The following DLEC1 variants were observed in gnomAD, a reference collection of about 807,000 sequenced individuals.
DLEC1 encodes deleted in lung and esophageal cancer protein 1.
A neutral mutation model predicts 198.1 loss-of-function variants in DLEC1; 146 were observed. The ratio of observed to expected loss-of-function variants is 0.74; its 90% CI spans 0.64 to 0.85. The LOEUF (loss-of-function observed/expected upper bound fraction) is 0.85. Ranked by LOEUF, DLEC1 falls within the 40% of genes least tolerant of loss-of-function variation. The probability of loss-of-function intolerance (pLI) is 0.00; values close to 1 mark genes in which losing one functional copy is unlikely to be tolerated. For missense variants in DLEC1, 2,233 were observed against 2,220.0 expected (o/e 1.01, Z -0.12); for synonymous variants, 897 against 866.8 (o/e 1.03, Z -0.61).
In DLEC1 at chr3:38,112,197, G is replaced by T. The variant is rs373960006; in HGVS notation, c.3515-13G>T. ...AGGCCCGTGAATCCCCCACAGTCGC[G>T]GTTCTTTCCCAGATTTTATGGAGAG... On this transcript the variant is annotated splice_polypyrimidine_tract_variant and intron_variant, in intron 24 of 36. Coordinates refer to ENST00000308059, the MANE Select transcript of DLEC1 (RefSeq NM_007335.4). This position sits in a 1 kb window ranked among gnomAD's most constrained non-coding sequence, Gnocchi z 4.8. 2 of 1,614,026 alleles carry T rather than the reference G, an allele frequency of 1.2e-6. No individual in the cohort carries two copies. The highest frequency in any genetic ancestry group is 1.7e-6 in the Non-Finnish European group (2 of 1,179,948).
In DLEC1 at chr3:38,122,453, A is replaced by T; in HGVS notation, c.*41A>T. On this transcript the variant is annotated 3_prime_UTR_variant, in exon 37 of 37. Transcript: ENST00000308059. ...CTCAGCCCCAGGCCCCAGCTGGAGA[A>T]AAAACATTGCCCAGGGATTAGGAGC... is the stretch of plus-strand genomic sequence containing the variant. 6.2e-7 allele frequency: 1 copy of T among 1,613,988 alleles called. No homozygotes were observed. The highest frequency in any genetic ancestry group is 8.5e-7 in the Non-Finnish European group (1 of 1,180,010).
chr3:38,118,899 C>A (rs928102094), intron 33 of DLEC1, among the ~76,000 whole-genome samples: 8 of 152,166 alleles, frequency 5.3e-5, no homozygotes, highest in African/African-American at 1.9e-4. Flanking sequence ...CTGCTGTGTA[C>A]TAGATGCTGT....
At chr3:38,063,297 A>T (rs768935732) in intron 5 of DLEC1, among the ~76,000 whole-genome samples, 1 of 152,194 alleles carries the variant, frequency 6.6e-6, no homozygotes, top group Non-Finnish European at 1.5e-5. Flanking sequence ...TTTATTAAGA[A>T]AAATTAGATA....
At position 38,063,900 on chromosome 3, in the gene DLEC1, A is replaced by G. The variant is rs1202717200; in HGVS notation, c.1154A>G (p.Glu385Gly). The change falls in exon 6 of 37, where the codon GAA becomes GGA. Residue 385 changes from glutamate (E) to glycine (G), a missense_variant. Transcript: ENST00000308059. ...KPPIGFFTDY[E>G]IGPVYEMVIA... ...CCAATTGGGTTTTTCACAGATTATG[A>G]AATTGGTCCAGTTTATGAGGTAGAC... The G allele has an allele frequency of 1.2e-6, 2 of 1,612,904 alleles. No homozygotes were observed. Among genetic ancestry groups the G allele is most frequent in the Non-Finnish European group, 1.7e-6 (2 of 1,179,288 alleles).
rs770766234 is a variant in DLEC1 at position 38,114,450 on chromosome 3, C to T, written c.3775C>T (p.Pro1259Ser). Residue 1259 changes from proline to serine, a missense_variant, in exon 26 of 37, where the codon CCA (proline) becomes TCA (serine). By Grantham distance (74) the Pro-to-Ser change is moderately conservative (BLOSUM62 -1). Coordinates refer to ENST00000308059, the MANE Select transcript of DLEC1 (RefSeq NM_007335.4). ...SYTIDQAQKE[P>S]AMRFGTQVSG... ...CACTATTGACCAGGCCCAGAAGGAA[C>T]CAGCCATGAGGTGCTCCATGCTCAG... 5 of 1,614,020 alleles carry T rather than the reference C, an allele frequency of 3.1e-6. No individual in the cohort carries two copies. The highest frequency in any genetic ancestry group is 4.2e-6 in the Non-Finnish European group (5 of 1,179,972).
intron 6 of DLEC1, among the ~76,000 whole-genome samples, chr3:38,066,011 G>C (rs1483705224): frequency 6.6e-6 from 1 of 152,190 alleles, no homozygotes; most frequent in Non-Finnish European, 1.5e-5. Flanking sequence ...CTGGTCATTA[G>C]ATATAGAGAT....
intron 2 of DLEC1, among the ~76,000 whole-genome samples, chr3:38,055,215 G>A (rs1472458730): frequency 6.6e-6 from 1 of 152,194 alleles, no homozygotes; most frequent in African/African-American, 2.4e-5. Context: ...AAACAGAGAA[G>A]TGTGGGGACA....
chr3:38,094,656 C>T (rs148906486), intron 12 of DLEC1, among the ~76,000 whole-genome samples: 174 of 152,266 alleles, frequency 1.1e-3, no homozygotes, highest in African/African-American at 4.0e-3. Flanking sequence ...GGCTGGGAAG[C>T]GAGGAGCTCT....
chr3:38,097,535 G>T lies in DLEC1; in HGVS notation c.2463G>T (p.Leu821Phe). The change falls in exon 17 of 37, where the codon TTG becomes TTT. Residue 821 changes from leucine to phenylalanine, a missense_variant. Transcript: ENST00000308059. ...CCAGTGAGGTCGGGGATTTTGAGTT[G>T]AACTTTACTGGGGGTGTCCCTGGCC... ...IEPSEVGDFE[L>F]NFTGGVPGPT... is the part of the protein sequence containing the mutation. 1.2e-6 allele frequency: 2 copies of T among 1,614,160 alleles called. No individual in the cohort carries two copies. Among genetic ancestry groups the T allele is most frequent in the South Asian group, 2.2e-5 (2 of 91,052 alleles).
At chr3:38,059,984 G>A in intron 3 of DLEC1, 132 bp downstream of exon 3, 1 of 749,108 alleles carries the variant, frequency 1.3e-6, no homozygotes. Context: ...GATGGTGACT[G>A]TTGGGAAAGT....
chr3:38,041,003 CTTATTTAT>C (rs112358223), intron 1 of DLEC1, among the ~76,000 whole-genome samples: 12 of 150,962 alleles, frequency 7.9e-5, no homozygotes, highest in South Asian at 4.2e-4. Context: ...GTATGCCCAG[CTTATTTAT>C]TTATTTATTT....
chr3:38,093,778 C>G lies in DLEC1; in HGVS notation c.1919+11C>G, dbSNP rs200365113. 3.1e-5 allele frequency: 50 copies of G among 1,613,260 alleles called. No homozygotes were observed. The African/African-American group carries it at 5.3e-4, about 17-fold the overall frequency. ...TATTAGAAATGCTACGTGGGTAACC[C>G]CTGTGTGTGCCCCAATACCCAACCC... On this transcript the variant is annotated intron_variant, in intron 12 of 36. Transcript: ENST00000308059.
Position 38,062,273 on chromosome 3 carries a change from C to T in DLEC1, c.778C>T (p.Leu260Phe). 4.3e-6 allele frequency: 7 copies of T among 1,614,178 alleles called. No homozygotes were observed. The highest frequency in any genetic ancestry group is 5.1e-6 in the Non-Finnish European group (6 of 1,180,024). The change falls in exon 4 of 37, where the codon CTT (leucine) becomes TTT (phenylalanine). Residue 260 changes from leucine to phenylalanine, a missense_variant. Transcript: ENST00000308059. ...GCTTGAAGATTCATGCAGGAAGAAG[C>T]TTGCTGAGTTCGAAGATGAGTTAGA... ...KKLEDSCRKK[L>F]AEFEDELDHT...
intron 6 of DLEC1, among the ~76,000 whole-genome samples, chr3:38,067,076 G>A (rs1172122110): frequency 1.3e-5 from 2 of 152,212 alleles, no homozygotes; most frequent in African/African-American, 2.4e-5. Flanking sequence ...TGTGCTCAGA[G>A]CCTGGAGATC....
In DLEC1 at chr3:38,093,649, G is replaced by A. The variant is rs767174387; in HGVS notation, c.1801G>A (p.Glu601Lys). The change falls in exon 12 of 37, where the codon GAA becomes AAA. Residue 601 changes from glutamate to lysine, a missense_variant. Coordinates refer to ENST00000308059, the MANE Select transcript of DLEC1 (RefSeq NM_007335.4). ...IALDLIYISG[E>K]KSQPDPGELT... Reference sequence around the variant, plus strand: ...TTTGGATCTGATCTATATTTCTGGTGAAAAAAGCCAGCCAGACCCTGGAGA... The same window carrying A: ...TTTGGATCTGATCTATATTTCTGGTAAAAAAAGCCAGCCAGACCCTGGAGA... The A allele has an allele frequency of 5.6e-6, 9 of 1,614,064 alleles. No homozygotes were observed. The highest frequency in any genetic ancestry group is 5.1e-6 in the Non-Finnish European group (6 of 1,180,042).
At chr3:38,118,462 TC>T (rs1357253278) in intron 33 of DLEC1, among the ~76,000 whole-genome samples, 2 of 152,190 alleles carry the variant, frequency 1.3e-5, no homozygotes, top group African/African-American at 4.8e-5. Context: ...CACTCCAGGT[TC>T]TAACGTAAAA....
rs1258550408 is a variant in DLEC1 at position 38,096,672 on chromosome 3, G to A, written c.2275G>A (p.Glu759Lys). 36 of 1,613,436 alleles carry A rather than the reference G, an allele frequency of 2.2e-5. No homozygotes were observed. The highest frequency in any genetic ancestry group is 2.8e-5 in the Non-Finnish European group (33 of 1,179,988). The part of the protein sequence containing the change: ...GSVEPFQVLL[E>K]PYALIIPGEN... ...AGTAGAACCTTTCCAGGTTCTCTTA[G>A]AGCCATATGCCCTCATCATCCCAGG... Residue 759 changes from glutamate to lysine, a missense_variant, in exon 15 of 37, where the codon GAG becomes AAG. Coordinates refer to ENST00000308059, the MANE Select transcript of DLEC1 (RefSeq NM_007335.4).
At chr3:38,117,397 G>A in intron 31 of DLEC1, 95 bp downstream of exon 31, 2 of 1,598,836 alleles carry the variant, frequency 1.3e-6, no homozygotes, top group Non-Finnish European at 1.7e-6. Context: ...AGAGCAAAAG[G>A]ACGGGCATGG....
intron 2 of DLEC1, among the ~76,000 whole-genome samples, chr3:38,047,306 G>A (rs958001414): frequency 6.6e-6 from 1 of 152,020 alleles, no homozygotes; most frequent in African/African-American, 2.4e-5. Flanking sequence ...ATTAATTATG[G>A]TATATCCACA....
Sources: allele counts gnomAD v4.1 joint callset (sites outside exome capture counted in the v4.1 genomes callset), GRCh38; gene constraint gnomAD v4.1.1; non-coding constraint Gnocchi (gnomAD v3.1); transcripts MANE v1.5; gene names NCBI Gene and HGNC (gene_info 2026-07-23, HGNC 2026-07-21).